MMACHC: variants seen among roughly 807,000 people sequenced by gnomAD.
MMACHC encodes the protein metabolism of cobalamin associated C, also known as cyanocobalamin reductase / alkylcobalamin dealkylase.
A neutral mutation model predicts 17.6 loss-of-function variants in MMACHC; 14 were observed. The observed-to-expected ratio is 0.80, with a 90% CI of 0.53 to 1.25. The LOEUF (loss-of-function observed/expected upper bound fraction) is 1.25, where lower values mean the gene tolerates loss of function less well. Ranked by LOEUF, MMACHC falls within the 50% of genes most tolerant of loss-of-function variation. The pLI is 0.00. For missense variants in MMACHC, 392 were observed against 364.5 expected, an observed-to-expected ratio of 1.08 and a Z score of -0.62; for synonymous variants, 151 against 142.1, an observed-to-expected ratio of 1.06 and a Z score of -0.45.
intron 1 of MMACHC, among the ~76,000 whole-genome samples, chr1:45,501,209 G>GT (rs1643539872): frequency 6.6e-6 from 1 of 152,190 alleles, no homozygotes; most frequent in African/African-American, 2.4e-5. Flanking sequence ...GCTGGGCTGG[G>GT]TAATGAAACT....
chr1:45,500,757 G>A (rs1441057792), intron 1 of MMACHC, among the ~76,000 whole-genome samples: 2 of 151,794 alleles, frequency 1.3e-5, no homozygotes, highest in Non-Finnish European at 2.9e-5. Flanking sequence ...CCAGCTACTC[G>A]GGAGGCTGAG....
Position 45,510,431 on chromosome 1 carries a change from C to T in MMACHC, c.*1216C>T. On this transcript the variant is annotated 3_prime_UTR_variant, in exon 4 of 4. Transcript: ENST00000401061. ...CGAGCTTTGGCCAGGCACTGTGGCG[C>T]TCACCTGTAATCCCACCATTTTGGG... 6.6e-6 allele frequency: 1 copy of T among 152,308 alleles called. No individual in the cohort carries two copies. Among genetic ancestry groups the T allele is most frequent in the Middle Eastern group, 3.4e-3 (1 of 294 alleles). The allele number at this position is 152,308 out of a possible 1,614,324, so 9.4% of individuals were successfully genotyped here.
chr1:45,505,896 C>T (rs1250524309), intron 1 of MMACHC, among the ~76,000 whole-genome samples: 1 of 102,874 alleles, frequency 9.7e-6, no homozygotes, highest in East Asian at 3.6e-4. Flanking sequence ...AGTGAGACTC[C>T]GTCTCAAAAA....
At chr1:45,501,212 A>AT (rs1411987677) in intron 1 of MMACHC, among the ~76,000 whole-genome samples, 1 of 152,204 alleles carries the variant, frequency 6.6e-6, no homozygotes, top group Non-Finnish European at 1.5e-5. Flanking sequence ...GGGCTGGGTA[A>AT]TGAAACTTTG....
rs1050336579 is a variant in MMACHC, at chr1:45,512,724, A to G, written c.*3509A>G. The G allele has an allele frequency of 2.0e-5, 3 of 152,138 alleles. No individual in the cohort carries two copies. The highest frequency in any genetic ancestry group is 2.9e-5 in the Non-Finnish European group (2 of 68,004). 9.4% of individuals were successfully genotyped at this position (152,138 alleles called of 1,614,324 possible). On this transcript the variant is annotated 3_prime_UTR_variant, in exon 4 of 4. Transcript: ENST00000401061. ...CTAGGAAAGTCCAGTTAAAGGGCCT[A>G]CTTTGCCACTGCTGCCTCCTTCTTA...
chr1:45,508,537 G>A (rs114104704), intron 3 of MMACHC, among the ~76,000 whole-genome samples, 173 bp downstream of exon 3: 101 of 152,340 alleles, frequency 6.6e-4, no homozygotes, highest in Middle Eastern at 3.4e-3. Context: ...GGGTACTCGT[G>A]AGATCAGAAA....
At position 45,507,265 on chromosome 1, in the gene MMACHC, G is replaced by A. The variant is rs530553113; in HGVS notation, c.82-91G>A. The A allele has an allele frequency of 4.5e-5, 56 of 1,232,972 alleles. No individual in the cohort carries two copies. The South Asian group carries it at 7.2e-4, about 16-fold the overall frequency. 76.4% of individuals were successfully genotyped at this position (1,232,972 alleles called of 1,614,324 possible). A position where few individuals can be genotyped will look rare whatever the true frequency, so the allele number is the denominator to read the frequency against. ...CACTGAATGAGTGAGATGGAGGCTG[G>A]GGCAAAAGTGTGAGGCCTGAAGGTT... On this transcript the variant is annotated intron_variant, in intron 1 of 3. Transcript: ENST00000401061.
At position 45,509,228 on chromosome 1, in the gene MMACHC, T is replaced by A; in HGVS notation, c.*13T>A. ...CCCTGGCCCTTGATTTTCTCCCATGTGGACCCTGATTTATGGTGGTACTTG... is the reference window on the plus strand; with the variant it reads ...CCCTGGCCCTTGATTTTCTCCCATGAGGACCCTGATTTATGGTGGTACTTG... On this transcript the variant is annotated 3_prime_UTR_variant, in exon 4 of 4. Coordinates refer to ENST00000401061, the MANE Select transcript of MMACHC (RefSeq NM_015506.3). 3.1e-6 allele frequency: 5 copies of A among 1,614,010 alleles called. No homozygotes were observed. The highest frequency in any genetic ancestry group is 4.2e-6 in the Non-Finnish European group (5 of 1,180,040).
At chr1:45,505,179 T>C (rs1452139559) in intron 1 of MMACHC, among the ~76,000 whole-genome samples, 1 of 140,782 alleles carries the variant, frequency 7.1e-6, no homozygotes, top group East Asian at 2.3e-4. Flanking sequence ...CCTGGCGCGG[T>C]GACTCACGCC....
Position 45,509,849 on chromosome 1 carries a change from A to AG in MMACHC, c.*636dup, listed in dbSNP as rs1643706160. Reference sequence around the variant, plus strand: ...GTAATCCCAGCACTCTGGGAGGCCGAGGCAGGTGGATCATGAGGTCGAGTT... The same window carrying AG: ...GTAATCCCAGCACTCTGGGAGGCCGAGGGCAGGTGGATCATGAGGTCGAGTT... On this transcript the variant is annotated 3_prime_UTR_variant, in exon 4 of 4. Coordinates refer to ENST00000401061, the MANE Select transcript of MMACHC (RefSeq NM_015506.3). 6.6e-6 allele frequency: 1 copy of AG among 151,946 alleles called. No homozygotes were observed. Among genetic ancestry groups the AG allele is most frequent in the Non-Finnish European group, 1.5e-5 (1 of 68,092 alleles). The allele number at this position is 151,946 out of a possible 1,614,324, so 9.4% of individuals were successfully genotyped here.
chr1:45,503,171 G>C (rs1385240726), intron 1 of MMACHC, among the ~76,000 whole-genome samples: 1 of 151,946 alleles, frequency 6.6e-6, no homozygotes, highest in African/African-American at 2.4e-5. Flanking sequence ...GGCCAAGGTG[G>C]GTAAATTACT....
Position 45,511,877 on chromosome 1 carries a change from A to G in MMACHC, c.*2662A>G, listed in dbSNP as rs1204687723. The G allele has an allele frequency of 6.6e-6, 1 of 152,382 alleles. No individual in the cohort carries two copies. Among genetic ancestry groups the G allele is most frequent in the Non-Finnish European group, 1.5e-5 (1 of 68,218 alleles). The allele number at this position is 152,382 out of a possible 1,614,324, so 9.4% of individuals were successfully genotyped here. A position where few individuals can be genotyped will look rare whatever the true frequency, so the allele number is the denominator to read the frequency against. On this transcript the variant is annotated 3_prime_UTR_variant, in exon 4 of 4. Transcript: ENST00000401061. ...AGCCTGAACCTTATAAAGGATCAAG[A>G]ACTTAACAGAAGCCCCCGCTTGTTT...
rs1439438926 is a variant in MMACHC, at chr1:45,508,917, C to G, written c.551C>G (p.Pro184Arg). 1.9e-6 allele frequency: 3 copies of G among 1,614,198 alleles called. No individual in the cohort carries two copies. The highest frequency in any genetic ancestry group is 1.6e-4 in the Middle Eastern group (1 of 6,062). The change falls in exon 4 of 4, where the codon CCT becomes CGT. Residue 184 changes from proline (P) to arginine (R), a missense_variant. By Grantham distance (103) the Pro-to-Arg change is moderately radical. Coordinates refer to ENST00000401061, the MANE Select transcript of MMACHC (RefSeq NM_015506.3). The stretch of plus-strand genomic sequence containing the variant: ...CCCAGAAAACCTCATGACTGTGTAC[C>G]TACAAGAGCTGACCGTATCGCCCTA... Reference protein sequence around the residue: ...LPPRKPHDCVPTRADRIALLE... With the variant: ...LPPRKPHDCVRTRADRIALLE...
rs1643778072 is a variant in MMACHC, at chr1:45,512,725, C to CT, written c.*3513dup. 6.6e-6 allele frequency: 1 copy of CT among 152,184 alleles called. No individual in the cohort carries two copies. Among genetic ancestry groups the CT allele is most frequent in the Admixed American group, 6.6e-5 (1 of 15,258 alleles). The allele number at this position is 152,184 out of a possible 1,614,324, so 9.4% of individuals were successfully genotyped here. ...TAGGAAAGTCCAGTTAAAGGGCCTA[C>CT]TTTGCCACTGCTGCCTCCTTCTTAA... is the stretch of plus-strand genomic sequence containing the variant. On this transcript the variant is annotated 3_prime_UTR_variant, in exon 4 of 4. Transcript: ENST00000401061.
In MMACHC at chr1:45,500,340, C is replaced by G. The variant is rs201807738; in HGVS notation, c.8C>G (p.Pro3Arg). The change falls in exon 1 of 4, where the codon CCG becomes CGG. Residue 3 changes from proline (P) to arginine (R), a missense_variant. Transcript: ENST00000401061. ...CAGCGTGTAACGTGCGCTATGGAGC[C>G]GAAAGTCGCAGAGCTGAAGCAGAAG... ME[P>R]KVAELKQKIE... is the part of the protein sequence containing the mutation. The G allele has an allele frequency of 7.2e-5, 116 of 1,613,952 alleles. No individual in the cohort carries two copies. The highest frequency in any genetic ancestry group is 4.0e-4 in the African/African-American group (30 of 74,912).
intron 1 of MMACHC, 24 bp downstream of exon 1, chr1:45,500,437 C>G (rs150908339): frequency 1.9e-6 from 3 of 1,611,406 alleles, no homozygotes; most frequent in Non-Finnish European, 2.5e-6. Context: ...TCCTGCTGTT[C>G]TAGGGCGAAA....
intron 1 of MMACHC, among the ~76,000 whole-genome samples, chr1:45,500,747 C>T (rs1175598362): frequency 6.6e-6 from 1 of 151,730 alleles, no homozygotes; most frequent in Non-Finnish European, 1.5e-5. Context: ...GCCTGTAATC[C>T]CAGCTACTCG....
chr1:45,509,379 GGCCAGGGAACCAGAA>G lies in MMACHC; in HGVS notation c.*165_*179del. On this transcript the variant is annotated 3_prime_UTR_variant, in exon 4 of 4. Coordinates refer to ENST00000401061, the MANE Select transcript of MMACHC (RefSeq NM_015506.3). ...GGAAGTTAGGTTTGGCCAAGATAAA[GGCCAGGGAACCAGAA>G]TTCCCATCTGCCTTCAAATGAGTTT... is the stretch of plus-strand genomic sequence containing the variant. 1.3e-6 allele frequency: 1 copy of G among 767,500 alleles called. No individual in the cohort carries two copies. Among genetic ancestry groups the G allele is most frequent in the Non-Finnish European group, 2.0e-6 (1 of 494,722 alleles). The allele number at this position is 767,500 out of a possible 1,614,324, so 47.5% of individuals were successfully genotyped here. A position where few individuals can be genotyped will look rare whatever the true frequency, so the allele number is the denominator to read the frequency against.
rs745419717 is a variant in MMACHC, at chr1:45,507,362, T to C, written c.88T>C (p.Trp30Arg). ...GFEVYPFQVA[W>R]YNELLPPAFH... ...CCTGAACTTTCTGTTTCAGGTGGCA[T>C]GGTACAATGAACTCTTGCCTCCAGC... The change falls in exon 2 of 4, where the codon TGG becomes CGG. Residue 30 changes from tryptophan to arginine, a missense_variant. Transcript: ENST00000401061. The C allele has an allele frequency of 3.7e-5, 59 of 1,614,022 alleles. No homozygotes were observed. The highest frequency in any genetic ancestry group is 4.9e-5 in the Non-Finnish European group (58 of 1,180,018).
Sources: gnomAD v4.1 joint callset for allele counts (sites outside exome capture counted in the v4.1 genomes callset) on GRCh38, gnomAD v4.1.1 for gene constraint, MANE v1.5 for transcripts, NCBI Gene and HGNC (gene_info 2026-07-23, HGNC 2026-07-21) for gene names.